Variants in SV2B observed in about 807,000 individuals in gnomAD.
SV2B encodes the protein solute carrier family 22 member B2.
In SV2B, 41 loss-of-function variants were observed where a neutral mutation model predicts 73.9. The ratio of observed to expected loss-of-function variants is 0.56; its 90% CI spans 0.43 to 0.72. The LOEUF is 0.72. SV2B is among the 30% of genes least tolerant of loss of function. The pLI, the probability that SV2B is intolerant of heterozygous loss-of-function variation, is 0.00. For synonymous variants in SV2B, 314 were observed against 314.2 expected, an observed-to-expected ratio of 1.00 and a Z score of 0.01; for missense variants, 764 against 857.8, an observed-to-expected ratio of 0.89 and a Z score of 1.37.
chr15:91,192,709 G>T (rs1206780816), intron 1 of SV2B, among the ~76,000 whole-genome samples: 1 of 152,196 alleles, frequency 6.6e-6, no homozygotes, highest in East Asian at 1.9e-4. Context: ...ATTTCACAAG[G>T]TAAAGGGAAT....
rs1435530621 is a variant in SV2B, at chr15:91,292,627, C to G, written c.*75C>G. 53 of 1,531,200 alleles carry G rather than the reference C, an allele frequency of 3.5e-5. No homozygotes were observed. Among genetic ancestry groups the G allele is most frequent in the Non-Finnish European group, 4.5e-5 (51 of 1,138,402 alleles). 94.9% of individuals were successfully genotyped at this position (1,531,200 alleles called of 1,614,324 possible). ...AAATGCATCCACACTTCCTGCCTAT[C>G]ACGGTCCGGAGGACACCTTGGATAG... On this transcript the variant is annotated 3_prime_UTR_variant, in exon 13 of 13. Transcript: ENST00000394232.
At chr15:91,184,744 C>A (rs1447038701) in intron 1 of SV2B, among the ~76,000 whole-genome samples, 1 of 152,186 alleles carries the variant, frequency 6.6e-6, no homozygotes, top group East Asian at 1.9e-4. Context: ...ATCTGACCTT[C>A]ACCACTTTAT....
At chr15:91,270,477 T>C (rs1351092123) in intron 9 of SV2B, among the ~76,000 whole-genome samples, 4 of 152,216 alleles carry the variant, frequency 2.6e-5, no homozygotes. Context: ...TCCCAACCCA[T>C]GCATTTGGAC....
intron 6 of SV2B, among the ~76,000 whole-genome samples, chr15:91,264,133 G>A (rs1301200283): frequency 2.0e-5 from 3 of 152,324 alleles, no homozygotes; most frequent in Admixed American, 2.0e-4. Context: ...AGGGTGTCTC[G>A]TACAGAAGGT....
intron 1 of SV2B, among the ~76,000 whole-genome samples, chr15:91,159,107 A>C (rs1253373216): frequency 1.3e-5 from 2 of 152,128 alleles, no homozygotes; most frequent in African/African-American, 4.8e-5. Context: ...CTCCAAGAGC[A>C]TGTTGAGGAG....
intron 1 of SV2B, among the ~76,000 whole-genome samples, chr15:91,182,366 A>G (rs1596536889): frequency 1.3e-5 from 2 of 152,226 alleles, no homozygotes; most frequent in Admixed American, 6.5e-5. Flanking sequence ...CAAGTTCTCG[A>G]TTAGCATTTG....
rs1343341952 is a variant in SV2B at position 91,294,912 on chromosome 15, C to G, written c.*2360C>G. 6.6e-6 allele frequency: 1 copy of G among 152,642 alleles called. No individual in the cohort carries two copies. The highest frequency in any genetic ancestry group is 2.4e-5 in the African/African-American group (1 of 41,444). 9.5% of individuals were successfully genotyped at this position (152,642 alleles called of 1,614,324 possible). A position where few individuals can be genotyped will look rare whatever the true frequency, so the allele number is the denominator to read the frequency against. ...ACTCAGGTCTTTGTAAAGGGTGCAG[C>G]CAAGCTCTGCAGACTTTTGCAGGAT... On this transcript the variant is annotated 3_prime_UTR_variant, in exon 13 of 13. Coordinates refer to ENST00000394232, the MANE Select transcript of SV2B (RefSeq NM_001323032.3). The surrounding 1 kb of genome is among the most constrained non-coding windows in gnomAD (Gnocchi z 4.1).
At chr15:91,167,293 A>G (rs1343916940) in intron 1 of SV2B, among the ~76,000 whole-genome samples, 1 of 151,832 alleles carries the variant, frequency 6.6e-6, no homozygotes, top group Non-Finnish European at 1.5e-5. Context: ...ATATTTTCCC[A>G]GTTTTTTGGT....
chr15:91,231,762 C>T lies in SV2B; in HGVS notation c.451+5048C>T, dbSNP rs1229715684. 6.6e-6 allele frequency among the ~76,000 whole-genome samples: 1 copy of T among 152,120 alleles called. No individual in the cohort carries two copies. Among genetic ancestry groups the T allele is most frequent in the African/African-American group, 2.4e-5 (1 of 41,420 alleles). ...AGAGTTTTCATTTCTTGGAAGGATC[C>T]AGTGACTTGTGTATTTTATTGGCTG... On this transcript the variant is annotated intron_variant, in intron 2 of 12. Coordinates refer to ENST00000394232, the MANE Select transcript of SV2B (RefSeq NM_001323032.3). This position sits in a 1 kb window ranked among gnomAD's most constrained non-coding sequence, Gnocchi z 4.5.
In SV2B at chr15:91,226,619, T is replaced by A. The variant is rs749345890; in HGVS notation, c.356T>A (p.Leu119Gln). Reference protein sequence around the residue: ...WILFFVLGLALMADGVEVFVV... With the variant: ...WILFFVLGLAQMADGVEVFVV... ...CTCTTTTTCGTCTTGGGTTTGGCCC[T>A]GATGGCCGATGGGGTGGAAGTGTTC... Residue 119 changes from leucine to glutamine, a missense_variant, in exon 2 of 13, where the codon CTG becomes CAG. By Grantham distance (113) the Leu-to-Gln change is moderately radical. Coordinates refer to ENST00000394232, the MANE Select transcript of SV2B (RefSeq NM_001323032.3). The A allele has an allele frequency of 7.4e-6, 12 of 1,614,184 alleles. No individual in the cohort carries two copies. The South Asian group carries it at 1.2e-4, about 16-fold the overall frequency.
intron 2 of SV2B, 40 bp from the exon 3 acceptor site, chr15:91,251,779 C>A: frequency 6.3e-7 from 1 of 1,586,972 alleles, no homozygotes; most frequent in Non-Finnish European, 8.6e-7. Flanking sequence ...AATCTTTTGT[C>A]TTTTCTCTCT....
Position 91,295,439 on chromosome 15 carries a change from A to G in SV2B, c.*2887A>G, listed in dbSNP as rs578240517. The G allele has an allele frequency of 6.6e-6, 1 of 152,288 alleles. No individual in the cohort carries two copies. Among genetic ancestry groups the G allele is most frequent in the South Asian group, 2.1e-4 (1 of 4,822 alleles). The allele number at this position is 152,288 out of a possible 1,614,324, so 9.4% of individuals were successfully genotyped here. On this transcript the variant is annotated 3_prime_UTR_variant, in exon 13 of 13. Coordinates refer to ENST00000394232, the MANE Select transcript of SV2B (RefSeq NM_001323032.3). Reference sequence around the variant, plus strand: ...ACCTTAAGGACTGGGGTTAGAGATTATTTTCAGGCACTAAGGTCTCTTCTG... The same window carrying G: ...ACCTTAAGGACTGGGGTTAGAGATTGTTTTCAGGCACTAAGGTCTCTTCTG...
At chr15:91,107,023 G>A (rs1004985530) in intron 1 of SV2B, among the ~76,000 whole-genome samples, 3 of 152,166 alleles carry the variant, frequency 2.0e-5, no homozygotes, top group Non-Finnish European at 4.4e-5. Flanking sequence ...TTGCAATGAT[G>A]TTGGTGAAGG....
chr15:91,167,054 C>T (rs1260695343), intron 1 of SV2B, among the ~76,000 whole-genome samples: 3 of 152,150 alleles, frequency 2.0e-5, no homozygotes, highest in Non-Finnish European at 2.9e-5. Context: ...ACCTCGTGAT[C>T]CGCCTGCCTT....
chr15:91,171,708 G>A (rs2044128861), intron 1 of SV2B, among the ~76,000 whole-genome samples: 1 of 152,168 alleles, frequency 6.6e-6, no homozygotes, highest in Admixed American at 6.5e-5. Context: ...GGCAACAATC[G>A]CTTGCTCTCA....
rs917147737 is a variant in SV2B at position 91,289,480 on chromosome 15, C to T, written c.1709-41C>T. 6.2e-7 allele frequency: 1 copy of T among 1,613,462 alleles called. No homozygotes were observed. Among genetic ancestry groups the T allele is most frequent in the Non-Finnish European group, 8.5e-7 (1 of 1,179,592 alleles). On this transcript the variant is annotated intron_variant, in intron 11 of 12. Coordinates refer to ENST00000394232, the MANE Select transcript of SV2B (RefSeq NM_001323032.3). This position sits in a 1 kb window ranked among gnomAD's most constrained non-coding sequence, Gnocchi z 4.9. ...GTGAGTGACAGCCATGTGCAAGACACAGGCCTCATGTTTCTTTTTGCCCTT... is the reference window on the plus strand; with the variant it reads ...GTGAGTGACAGCCATGTGCAAGACATAGGCCTCATGTTTCTTTTTGCCCTT...
chr15:91,272,067 A>G (rs1430038569), intron 9 of SV2B, among the ~76,000 whole-genome samples: 2 of 152,242 alleles, frequency 1.3e-5, no homozygotes, highest in Non-Finnish European at 2.9e-5. Flanking sequence ...TTTGCCCCCA[A>G]GAAGAAACAA....
In SV2B at chr15:91,300,803, T is replaced by C. The variant is rs112568751; in HGVS notation, c.*8251T>C. ...CTACAACACCACGCTCCCGGAATGG[T>C]GGTTCCTAAGAGCAAAGTCAGTTAA... On this transcript the variant is annotated 3_prime_UTR_variant, in exon 13 of 13. Transcript: ENST00000394232. The C allele has an allele frequency of 1.3e-5, 2 of 152,358 alleles. No individual in the cohort carries two copies. Among genetic ancestry groups the C allele is most frequent in the African/African-American group, 4.8e-5 (2 of 41,570 alleles). 9.4% of individuals were successfully genotyped at this position (152,358 alleles called of 1,614,324 possible). A position where few individuals can be genotyped will look rare whatever the true frequency, so the allele number is the denominator to read the frequency against.
rs2049209040 is a variant in SV2B at position 91,296,021 on chromosome 15, G to A, written c.*3469G>A. 6.6e-6 allele frequency: 1 copy of A among 152,142 alleles called. No homozygotes were observed. Among genetic ancestry groups the A allele is most frequent in the Admixed American group, 6.5e-5 (1 of 15,276 alleles). The allele number at this position is 152,142 out of a possible 1,614,324, so 9.4% of individuals were successfully genotyped here. On this transcript the variant is annotated 3_prime_UTR_variant, in exon 13 of 13. Transcript: ENST00000394232. ...TGTCAGCTGTGGATTTCCAAATGTGGTGGCTCCCTCTTATTTTTTTTTCTT... is the reference window on the plus strand; with the variant it reads ...TGTCAGCTGTGGATTTCCAAATGTGATGGCTCCCTCTTATTTTTTTTTCTT...
Sources: gnomAD v4.1 joint callset for allele counts (sites outside exome capture counted in the v4.1 genomes callset) on GRCh38, gnomAD v4.1.1 for gene constraint, Gnocchi (gnomAD v3.1) non-coding constraint, MANE v1.5 for transcripts, NCBI Gene and HGNC (gene_info 2026-07-23, HGNC 2026-07-21) for gene names.